Variants in KLF12 observed in about 807,000 individuals in gnomAD.
KLF12 encodes KLF transcription factor 12.
A neutral mutation model predicts 37.8 loss-of-function variants in KLF12; 9 were observed. The ratio of observed to expected loss-of-function variants is 0.24; its 90% confidence interval spans 0.14 to 0.42. The LOEUF is 0.42. Among genes scored for constraint, KLF12 ranks in the 10% least tolerant of loss-of-function variants. The pLI is 1.00. For missense variants in KLF12, 411 were observed against 516.0 expected (o/e 0.80, Z 1.97); for synonymous variants, 208 against 202.1 (o/e 1.03, Z -0.25).
chr13:74,166,150 T>C, the KLF12 span, among the ~76,000 whole-genome samples: 2 of 141,044 alleles, frequency 1.4e-5, no homozygotes, highest in African/African-American at 5.3e-5. Flanking sequence ...TGGAGAGCAG[T>C]GGCGCGATCC....
At chr13:73,898,167 A>G (rs564397055) in intron 3 of KLF12, among the ~76,000 whole-genome samples, 2 of 152,212 alleles carry the variant, frequency 1.3e-5, no homozygotes, top group East Asian at 1.9e-4. Flanking sequence ...TTCTTAATAT[A>G]TATTTCCTAT....
intron 5 of KLF12, among the ~76,000 whole-genome samples, chr13:73,810,278 A>C (rs1294710702): frequency 1.3e-5 from 2 of 152,070 alleles, no homozygotes; most frequent in Non-Finnish European, 2.9e-5. Context: ...GTTATGTTGA[A>C]AATTAAGCTC....
At chr13:73,795,827 A>G (rs936789637) in intron 5 of KLF12, among the ~76,000 whole-genome samples, 3 of 152,204 alleles carry the variant, frequency 2.0e-5, no homozygotes, top group Non-Finnish European at 4.4e-5. Flanking sequence ...ATTTACAAGT[A>G]TTTATTCATA....
chr13:73,774,581 G>A (rs528149902), intron 5 of KLF12, among the ~76,000 whole-genome samples: 19 of 152,176 alleles, frequency 1.2e-4, no homozygotes, highest in African/African-American at 2.6e-4. Flanking sequence ...TTCGAGCAAC[G>A]ATAATTTATC....
the KLF12 span, among the ~76,000 whole-genome samples, chr13:74,250,493 A>G: frequency 1.3e-5 from 2 of 152,162 alleles, no homozygotes; most frequent in African/African-American, 4.8e-5. Context: ...TATCAAAAAG[A>G]AAAAGGTTAG....
rs66521656 is a variant in KLF12 at position 73,959,124 on chromosome 13, C to CAAAAAAAAAAAAAAACA, written c.34-15055_34-15054insTGTTTTTTTTTTTTTTT. Among the ~76,000 whole-genome samples, 5 of 86,838 alleles carry CAAAAAAAAAAAAAAACA rather than the reference C, an allele frequency of 5.8e-5. No homozygotes were observed. The East Asian group carries it at 2.5e-3, about 44-fold the overall frequency. The allele number at this position is 86,838 out of a possible 152,430, so 57.0% of individuals were successfully genotyped here. Reference sequence around the variant, plus strand: ...ATCTCTGACCTCCACACCCCCCTTCCAAAAAAAAACGCAGGCAAGAAAGAC... The same window carrying CAAAAAAAAAAAAAAACA: ...ATCTCTGACCTCCACACCCCCCTTCCAAAAAAAAAAAAAAACAAAAAAAAAACGCAGGCAAGAAAGAC... On this transcript the variant is annotated intron_variant, in intron 2 of 7. Transcript: ENST00000377669.
the KLF12 span, among the ~76,000 whole-genome samples, chr13:74,229,225 G>A: frequency 6.6e-6 from 1 of 152,166 alleles, no homozygotes; most frequent in Non-Finnish European, 1.5e-5. Flanking sequence ...ACTTTTGTGT[G>A]AAATTATAAG....
chr13:73,899,704 G>C (rs918538389), intron 3 of KLF12, among the ~76,000 whole-genome samples: 15 of 152,274 alleles, frequency 9.9e-5, no homozygotes, highest in Admixed American at 9.2e-4. Flanking sequence ...AGGTAAATTT[G>C]CTCTGTCTTC....
chr13:73,929,481 A>G (rs1053959118), intron 3 of KLF12, among the ~76,000 whole-genome samples: 7 of 152,220 alleles, frequency 4.6e-5, no homozygotes, highest in African/African-American at 1.7e-4. Context: ...CGTATCGCAT[A>G]GTCATCAAAA....
Position 73,955,078 on chromosome 13 carries a change from G to T in KLF12, c.34-11008C>A, listed in dbSNP as rs1050116471. Among the ~76,000 whole-genome samples the T allele has an allele frequency of 1.0e-3, 159 of 152,276 alleles. 1 individual carries two copies. Among genetic ancestry groups the T allele is most frequent in the African/African-American group, 3.5e-3 (147 of 41,570 alleles). On this transcript the variant is annotated intron_variant, in intron 2 of 7. Coordinates refer to ENST00000377669, the MANE Select transcript of KLF12 (RefSeq NM_007249.5). ...TCAGTTTTCTTATCTGTAAAGTGCT[G>T]ATAAATTTCTGCTTCATATAATTTT...
chr13:73,961,315 G>T (rs931724333), intron 2 of KLF12, among the ~76,000 whole-genome samples: 4 of 152,076 alleles, frequency 2.6e-5, no homozygotes, highest in Non-Finnish European at 4.4e-5. Context: ...CCGGTTTCCT[G>T]CCTAGCATGT....
chr13:74,256,798 G>A, the KLF12 span: 4 of 151,938 alleles, frequency 2.6e-5, no homozygotes, highest in South Asian at 2.1e-4. Flanking sequence ...CACTAGTCCC[G>A]ATTTTAATCA....
chr13:73,949,027 A>C (rs1890549094), intron 2 of KLF12, among the ~76,000 whole-genome samples: 1 of 152,156 alleles, frequency 6.6e-6, no homozygotes, highest in African/African-American at 2.4e-5. Flanking sequence ...TCTAATCCTC[A>C]CTGCAACCCA....
the KLF12 span, among the ~76,000 whole-genome samples, chr13:74,163,434 A>G: frequency 1.3e-5 from 2 of 152,238 alleles, no homozygotes; most frequent in African/African-American, 2.4e-5. Flanking sequence ...TTGCAGCAAC[A>G]TGGATGGAAC....
At chr13:74,297,168 T>A in the KLF12 span, among the ~76,000 whole-genome samples, 1 of 152,160 alleles carries the variant, frequency 6.6e-6, no homozygotes, top group Non-Finnish European at 1.5e-5. Context: ...ATTGAACCTA[T>A]TGAGAGCTAG....
At chr13:73,771,167 C>T (rs41356246) in intron 5 of KLF12, among the ~76,000 whole-genome samples, 19,085 of 152,094 alleles carry the variant, frequency 0.13, 1,269 homozygotes, top group South Asian at 0.16. Flanking sequence ...TCTCATGGCA[C>T]GGGGTACTTA....
chr13:74,125,188 C>CAG (rs1555274265), intron 1 of KLF12, among the ~76,000 whole-genome samples: 12 of 150,486 alleles, frequency 8.0e-5, no homozygotes, highest in South Asian at 2.1e-4. Context: ...CACACACACA[C>CAG]AGTTTATATT....
At chr13:73,921,146 T>A (rs1566460702) in intron 3 of KLF12, among the ~76,000 whole-genome samples, 2 of 151,940 alleles carry the variant, frequency 1.3e-5, no homozygotes, top group African/African-American at 2.4e-5. Context: ...ATTGCCTACA[T>A]CCCCCCACTT....
At chr13:74,055,374 C>A (rs1452229961) in intron 1 of KLF12, among the ~76,000 whole-genome samples, 1 of 152,138 alleles carries the variant, frequency 6.6e-6, no homozygotes, top group Non-Finnish European at 1.5e-5. Flanking sequence ...AACACAACAA[C>A]AAATCAATAC....
Sources: allele counts gnomAD v4.1 joint callset (sites outside exome capture counted in the v4.1 genomes callset), GRCh38; gene constraint gnomAD v4.1.1; transcripts MANE v1.5; gene names NCBI Gene and HGNC (gene_info 2026-07-23, HGNC 2026-07-21).